DNAAF5: variants seen among roughly 807,000 people sequenced by gnomAD.
DNAAF5 encodes HEAT repeat containing 2.
DNAAF5 carries 64 observed loss-of-function variants against 75.8 expected under a neutral mutation model. The observed-to-expected ratio is 0.84, with a 90% CI of 0.69 to 1.04. DNAAF5 has a LOEUF of 1.04. Among genes scored for constraint, DNAAF5 ranks in the 50% least tolerant of loss-of-function variants. The pLI is 0.00. For synonymous variants in DNAAF5, 657 were observed against 557.2 expected, an observed-to-expected ratio of 1.18 and a Z score of -2.52; for missense variants, 1,269 against 1,178.5, an observed-to-expected ratio of 1.08 and a Z score of -1.12.
chr7:773,964 T>A, intron 9 of DNAAF5, 84 bp from the exon 10 acceptor site: 1 of 1,520,160 alleles, frequency 6.6e-7, no homozygotes, highest in Non-Finnish European at 9.1e-7. Context: ...GGCTCCCCCC[T>A]CAGCCCCATT....
intron 12 of DNAAF5, among the ~76,000 whole-genome samples, chr7:780,770 A>G (rs760471041): frequency 3.0e-4 from 45 of 151,298 alleles, no homozygotes; most frequent in Non-Finnish European, 4.9e-4. Context: ...CGCTCAGTGC[A>G]TTAAAATCCG....
At chr7:739,453 G>A (rs941345205) in intron 2 of DNAAF5, among the ~76,000 whole-genome samples, 14 of 152,222 alleles carry the variant, frequency 9.2e-5, no homozygotes, top group Non-Finnish European at 1.5e-4. Context: ...TGGAATGGCC[G>A]TGGAGCTGAT....
intron 12 of DNAAF5, among the ~76,000 whole-genome samples, chr7:784,337 A>G (rs1169958796): frequency 6.6e-6 from 1 of 152,038 alleles, no homozygotes; most frequent in African/African-American, 2.4e-5. Flanking sequence ...CTGGTGCCGA[A>G]CCCTGGGCCG....
rs754684802 is a variant in DNAAF5, at chr7:770,455, CTG to C, written c.1784-14_1784-13del. The C allele has an allele frequency of 4.8e-5, 77 of 1,610,976 alleles. No individual in the cohort carries two copies. The African/African-American group carries it at 7.3e-4, about 15-fold the overall frequency. ...TCCTGAGGGCCGTGCACAGGAGCCT[CTG>C]TTGTGTCTTACAGGCCCTGCCCTGG... is the stretch of plus-strand genomic sequence containing the variant. On this transcript the variant is annotated splice_polypyrimidine_tract_variant and intron_variant, in intron 8 of 12. Coordinates refer to ENST00000297440, the MANE Select transcript of DNAAF5 (RefSeq NM_017802.4).
chr7:772,291 T>C (rs758569581), intron 9 of DNAAF5: 1 of 152,266 alleles, frequency 6.6e-6, no homozygotes, highest in Non-Finnish European at 1.5e-5. Flanking sequence ...GTAATTGCAT[T>C]GTAGAGCATC....
At chr7:761,927 C>G (rs766190237) in intron 7 of DNAAF5, 31 bp downstream of exon 7, 17 of 1,549,728 alleles carry the variant, frequency 1.1e-5, no homozygotes, top group Non-Finnish European at 3.5e-6. Flanking sequence ...TGCTGCTTGA[C>G]CTAGCGGAGC....
chr7:780,653 C>T (rs755710442), intron 12 of DNAAF5, among the ~76,000 whole-genome samples: 2 of 152,172 alleles, frequency 1.3e-5, no homozygotes, highest in Non-Finnish European at 2.9e-5. Context: ...GTAGCCTTTT[C>T]AGATAGGCGT....
Position 780,226 on chromosome 7 carries a change from C to T in DNAAF5, c.2431+82C>T, listed in dbSNP as rs75649993. On this transcript the variant is annotated intron_variant, in intron 12 of 12. Transcript: ENST00000297440. ...GGCATCTGTAGCTGAGCCGTGTGACCGGCCACAGGGCCCTGGGGCACAGGA... is the reference window on the plus strand; with the variant it reads ...GGCATCTGTAGCTGAGCCGTGTGACTGGCCACAGGGCCCTGGGGCACAGGA... The T allele has an allele frequency of 9.9e-5, 134 of 1,348,302 alleles. No individual in the cohort carries two copies. The East Asian group carries it at 1.5e-3, about 15-fold the overall frequency. The allele number at this position is 1,348,302 out of a possible 1,614,324, so 83.5% of individuals were successfully genotyped here.
intron 11 of DNAAF5, chr7:778,064 G>A (rs138705447): frequency 1.6e-4 from 25 of 152,260 alleles, no homozygotes; most frequent in African/African-American, 5.1e-4. Context: ...AAAAACCGCC[G>A]CCTGCTGAAC....
At chr7:753,319 C>T (rs964665964) in intron 4 of DNAAF5, among the ~76,000 whole-genome samples, 1 of 152,130 alleles carries the variant, frequency 6.6e-6, no homozygotes. Context: ...CGGGCACAGG[C>T]GGGCCTCAGA....
At chr7:776,480 G>C (rs747105887) in intron 11 of DNAAF5, among the ~76,000 whole-genome samples, 4 of 152,216 alleles carry the variant, frequency 2.6e-5, no homozygotes, top group Non-Finnish European at 4.4e-5. Context: ...AGCACTGGGT[G>C]GGGGTGACAA....
At chr7:736,015 C>T (rs573272133) in intron 2 of DNAAF5, among the ~76,000 whole-genome samples, 34 of 152,116 alleles carry the variant, frequency 2.2e-4, no homozygotes, top group Non-Finnish European at 3.2e-4. Context: ...CTTCATTGAC[C>T]CACCGGTCAT....
At chr7:746,331 C>T (rs34524571) in intron 4 of DNAAF5, among the ~76,000 whole-genome samples, 62,650 of 81,288 alleles carry the variant, frequency 0.77, 25,273 homozygotes, top group South Asian at 0.88. Context: ...CCGTCATGCC[C>T]AGGGCCTGTG....
At chr7:773,623 G>A (rs1019804715) in intron 9 of DNAAF5, among the ~76,000 whole-genome samples, 1 of 152,186 alleles carries the variant, frequency 6.6e-6, no homozygotes, top group East Asian at 1.9e-4. Context: ...TGGCTGGAGA[G>A]ACTTGGCCTT....
rs1175837341 is a variant in DNAAF5 at position 774,553 on chromosome 7, CTTTCCG to C, written c.2082+356_2082+361del. Among the ~76,000 whole-genome samples, 405 of 152,066 alleles carry C rather than the reference CTTTCCG, an allele frequency of 2.7e-3. 1 individual carries two copies. Among genetic ancestry groups the C allele is most frequent in the Non-Finnish European group, 3.6e-3 (247 of 67,898 alleles). ...ATCCAGGCCAGAGGACGGGCCTGGG[CTTTCCG>C]CATCGTTTCTATGAACACCTCCGGC... On this transcript the variant is annotated intron_variant, in intron 10 of 12. Transcript: ENST00000297440.
rs373491551 is a variant in DNAAF5, at chr7:770,688, CA to C, written c.1931+72del. Reference sequence around the variant, plus strand: ...GGCCAGGGGTCCCCATCTCCCTCCCCAACAGCTCACTGAGCAAGGGGGTTCC... The same window carrying C: ...GGCCAGGGGTCCCCATCTCCCTCCCCACAGCTCACTGAGCAAGGGGGTTCC... On this transcript the variant is annotated intron_variant, in intron 9 of 12. Coordinates refer to ENST00000297440, the MANE Select transcript of DNAAF5 (RefSeq NM_017802.4). 373 of 1,459,676 alleles carry C rather than the reference CA, an allele frequency of 2.6e-4. 5 individuals are homozygous for C. In the South Asian group the frequency reaches 4.1e-3, roughly 16 times the overall value. 90.4% of individuals were successfully genotyped at this position (1,459,676 alleles called of 1,614,324 possible).
intron 7 of DNAAF5, among the ~76,000 whole-genome samples, chr7:762,624 T>C (rs1487205159): frequency 6.6e-6 from 1 of 151,902 alleles, no homozygotes; most frequent in Non-Finnish European, 1.5e-5. Flanking sequence ...AAAAATCATC[T>C]TTTTTCTTCA....
Position 770,405 on chromosome 7 carries a change from G to A in DNAAF5, c.1784-66G>A, listed in dbSNP as rs1778514559. On this transcript the variant is annotated intron_variant, in intron 8 of 12. Transcript: ENST00000297440. ...GGTGGGAGCGCCTGAGCCTGGGCCT[G>A]TGCTGGATGGGGCCTCCTCCCGTCT... The A allele has an allele frequency of 2.0e-6, 3 of 1,526,704 alleles. No individual in the cohort carries two copies. In the African/African-American group the frequency reaches 4.1e-5, roughly 21 times the overall value. The allele number at this position is 1,526,704 out of a possible 1,614,324, so 94.6% of individuals were successfully genotyped here.
At chr7:756,480 GGTCACTGGT>G (rs1782488342) in intron 5 of DNAAF5, among the ~76,000 whole-genome samples, 1 of 152,218 alleles carries the variant, frequency 6.6e-6, no homozygotes. Flanking sequence ...GGGAAGGTTG[GGTCACTGGT>G]GTCCGATGAG....
Sources: gnomAD v4.1 joint callset for allele counts (sites outside exome capture counted in the v4.1 genomes callset) on GRCh38, gnomAD v4.1.1 for gene constraint, MANE v1.5 for transcripts, NCBI Gene and HGNC (gene_info 2026-07-23, HGNC 2026-07-21) for gene names.